The following DGKI variants were observed in gnomAD, a reference collection of about 807,000 sequenced individuals.
The protein encoded by DGKI is DAG kinase iota.
A neutral mutation model predicts 147.5 loss-of-function variants in DGKI; 55 were observed. The observed-to-expected ratio is 0.37, with a 90% CI of 0.30 to 0.47. The LOEUF is 0.47. Ranked by LOEUF, DGKI falls within the 20% of genes least tolerant of loss-of-function variation. DGKI has a pLI of 1.00. For synonymous variants in DGKI, 469 were observed against 477.1 expected, an observed-to-expected ratio of 0.98 and a Z score of 0.22; for missense variants, 1,007 against 1,323.8, an observed-to-expected ratio of 0.76 and a Z score of 3.71.
intron 1 of DGKI, among the ~76,000 whole-genome samples, chr7:137,714,983 C>T (rs1165715072): frequency 1.3e-5 from 2 of 152,048 alleles, no homozygotes; most frequent in African/African-American, 4.8e-5. Flanking sequence ...TATTGTTATC[C>T]TCCATCCCTC....
chr7:137,563,015 C>T (rs989649837), intron 19 of DGKI, among the ~76,000 whole-genome samples: 3 of 151,816 alleles, frequency 2.0e-5, no homozygotes, highest in African/African-American at 4.8e-5. Flanking sequence ...AAATGCTTAA[C>T]AAAATATTAG....
chr7:137,553,292 A>T (rs764935153), intron 19 of DGKI, among the ~76,000 whole-genome samples: 10 of 152,242 alleles, frequency 6.6e-5, no homozygotes, highest in Non-Finnish European at 1.2e-4. Flanking sequence ...TATGCAGCAC[A>T]TTGTTACTTT....
chr7:137,404,531 T>C (rs1286251744), intron 30 of DGKI, among the ~76,000 whole-genome samples: 1 of 152,206 alleles, frequency 6.6e-6, no homozygotes, highest in Non-Finnish European at 1.5e-5. Flanking sequence ...ACATTTTCTT[T>C]ACAAACAAAA....
chr7:137,807,742 T>C (rs144966191), intron 1 of DGKI, among the ~76,000 whole-genome samples: 4 of 152,332 alleles, frequency 2.6e-5, no homozygotes, highest in African/African-American at 9.6e-5. Flanking sequence ...CCTGAGAGTC[T>C]GCATTTCCAG....
At chr7:137,393,559 C>T (rs1452484998) in intron 32 of DGKI, among the ~76,000 whole-genome samples, 1 of 152,182 alleles carries the variant, frequency 6.6e-6, no homozygotes, top group African/African-American at 2.4e-5. Context: ...TCAGGCTAAA[C>T]ATCAAAACAT....
chr7:137,764,560 T>C (rs113613072), intron 1 of DGKI, among the ~76,000 whole-genome samples: 4,514 of 152,304 alleles, frequency 0.03, 89 homozygotes, highest in Non-Finnish European at 0.044. Context: ...CCTGCTTAGA[T>C]GCCTCCAAAG....
chr7:137,771,767 C>T (rs966931398), intron 1 of DGKI: 1 of 152,152 alleles, frequency 6.6e-6, no homozygotes. Context: ...CTAACAGACC[C>T]TGGGTGAGTC....
At position 137,394,822 on chromosome 7, in the gene DGKI, C is replaced by A. The variant is rs140177495; in HGVS notation, c.3057+776G>T. Among the ~76,000 whole-genome samples, 57 of 152,254 alleles carry A rather than the reference C, an allele frequency of 3.7e-4. 1 individual carries two copies. Among genetic ancestry groups the A allele is most frequent in the African/African-American group, 1.4e-3 (57 of 41,536 alleles). ...AACAAAACAGACTCCATAAACAAAC[C>A]GATTTTGTTATGTGGCTGGGGTGTT... On this transcript the variant is annotated intron_variant, in intron 32 of 32. Coordinates refer to ENST00000614521, the MANE Select transcript of DGKI (RefSeq NM_001321708.2).
intron 1 of DGKI, among the ~76,000 whole-genome samples, chr7:137,741,683 C>G (rs1453036021): frequency 6.6e-6 from 1 of 152,174 alleles, no homozygotes; most frequent in East Asian, 1.9e-4. Context: ...ACCCAAATAT[C>G]TATTTGAATC....
intron 1 of DGKI, among the ~76,000 whole-genome samples, chr7:137,693,778 A>G (rs1823689770): frequency 6.6e-6 from 1 of 152,208 alleles, no homozygotes; most frequent in Admixed American, 6.5e-5. Context: ...ATTATATCCC[A>G]TGCCTTACAT....
intron 1 of DGKI, among the ~76,000 whole-genome samples, chr7:137,829,971 T>C (rs1260287277): frequency 6.6e-6 from 1 of 151,844 alleles, no homozygotes; most frequent in Non-Finnish European, 1.5e-5. Context: ...CCTTCTTATC[T>C]AGGAAAAATG....
intron 1 of DGKI, among the ~76,000 whole-genome samples, chr7:137,715,582 T>C (rs1056970325): frequency 6.6e-6 from 1 of 152,188 alleles, no homozygotes; most frequent in African/African-American, 2.4e-5. Context: ...GTAGAATCAC[T>C]ATTAAAGTCC....
At chr7:137,639,821 C>T (rs1361162175) in intron 6 of DGKI, among the ~76,000 whole-genome samples, 1 of 152,050 alleles carries the variant, frequency 6.6e-6, no homozygotes, top group African/African-American at 2.4e-5. Flanking sequence ...CCTTTAGCCC[C>T]CATCCTCTTT....
chr7:137,486,051 T>C (rs1815545458), intron 22 of DGKI, among the ~76,000 whole-genome samples: 1 of 152,132 alleles, frequency 6.6e-6, no homozygotes, highest in Non-Finnish European at 1.5e-5. Context: ...TCATGCCTCC[T>C]AGGCTTCCTT....
intron 23 of DGKI, 109 bp downstream of exon 23, chr7:137,485,264 AC>A: frequency 1.2e-6 from 1 of 854,784 alleles, no homozygotes. Context: ...CTTAGAATGA[AC>A]TCTATCCCTA....
At chr7:137,398,244 C>T (rs1337588341) in intron 30 of DGKI, among the ~76,000 whole-genome samples, 1 of 152,168 alleles carries the variant, frequency 6.6e-6, no homozygotes, top group African/African-American at 2.4e-5. Flanking sequence ...CAAGTTGGGA[C>T]CACCCCAGGC....
intron 21 of DGKI, among the ~76,000 whole-genome samples, chr7:137,488,161 C>T (rs1815635511): frequency 6.6e-6 from 1 of 152,148 alleles, no homozygotes; most frequent in African/African-American, 2.4e-5. Context: ...CAGACAACTT[C>T]ATCTTTTTGT....
chr7:137,503,773 T>C (rs1816268109), intron 21 of DGKI, among the ~76,000 whole-genome samples: 1 of 152,154 alleles, frequency 6.6e-6, no homozygotes, highest in Admixed American at 6.6e-5. Flanking sequence ...AAGATCATAT[T>C]ATCTACCCCA....
At position 137,805,160 on chromosome 7, in the gene DGKI, G is replaced by A. The variant is rs138786239; in HGVS notation, c.401+41302C>T. The stretch of plus-strand genomic sequence containing the variant: ...TTTCTCTCTGTATGCCTTCTCCCTC[G>A]TTTTATTTATGTTTTTTAACATAAT... On this transcript the variant is annotated intron_variant, in intron 1 of 32. Transcript: ENST00000614521. Among the ~76,000 whole-genome samples, 45 of 152,170 alleles carry A rather than the reference G, an allele frequency of 3.0e-4. No homozygotes were observed. The East Asian group carries it at 5.0e-3, about 17-fold the overall frequency.
Sources: gnomAD v4.1 joint callset for allele counts (sites outside exome capture counted in the v4.1 genomes callset) on GRCh38, gnomAD v4.1.1 for gene constraint, MANE v1.5 for transcripts, NCBI Gene and HGNC (gene_info 2026-07-23, HGNC 2026-07-21) for gene names.